Variants in LRRC4C observed in about 807,000 individuals in gnomAD.
LRRC4C encodes the protein leucine rich repeat containing 4C.
In LRRC4C, 5 loss-of-function variants were observed where a neutral mutation model predicts 33.6. That is an observed-to-expected ratio of 0.15 (90% CI 0.08 to 0.31). The LOEUF (loss-of-function observed/expected upper bound fraction) is 0.31. Among genes scored for constraint, LRRC4C ranks in the 10% least tolerant of loss-of-function variants. The probability of loss-of-function intolerance (pLI) is 1.00; values close to 1 mark genes in which losing one functional copy is unlikely to be tolerated. For missense variants in LRRC4C, 560 were observed against 796.7 expected (o/e 0.70, Z 3.58); for synonymous variants, 329 against 302.0 (o/e 1.09, Z -0.93).
intron 1 of LRRC4C, among the ~76,000 whole-genome samples, chr11:41,339,671 A>AT (rs1951568787): frequency 1.3e-5 from 2 of 152,190 alleles, no homozygotes; most frequent in Admixed American, 6.5e-5. Flanking sequence ...CATCCAATTT[A>AT]TTTTTTAAGC....
At chr11:40,988,608 G>C (rs769047981) in intron 1 of LRRC4C, among the ~76,000 whole-genome samples, 4 of 151,618 alleles carry the variant, frequency 2.6e-5, no homozygotes, top group Non-Finnish European at 5.9e-5. Context: ...ATTCTGCTTG[G>C]TTGAATCCCC....
At chr11:40,484,831 T>G (rs1953772815) in intron 3 of LRRC4C, among the ~76,000 whole-genome samples, 1 of 152,116 alleles carries the variant, frequency 6.6e-6, no homozygotes. Context: ...AACTTTACTC[T>G]GAAGACTTAC....
chr11:40,738,963 G>A (rs184727491), intron 2 of LRRC4C, among the ~76,000 whole-genome samples: 204 of 151,862 alleles, frequency 1.3e-3, no homozygotes, highest in African/African-American at 4.6e-3. Context: ...AATGATTAAC[G>A]TAATCAAACT....
intron 1 of LRRC4C, among the ~76,000 whole-genome samples, chr11:41,242,384 A>G (rs1314379482): frequency 6.6e-6 from 1 of 152,146 alleles, no homozygotes; most frequent in Non-Finnish European, 1.5e-5. Flanking sequence ...AGATAATCAC[A>G]CCCATTTGTG....
rs372831857 is a variant in LRRC4C at position 40,972,731 on chromosome 11, G to A, written c.-495-39008C>T. Among the ~76,000 whole-genome samples, 9 of 152,248 alleles carry A rather than the reference G, an allele frequency of 5.9e-5. 1 individual carries two copies. In the East Asian group the frequency reaches 1.2e-3, roughly 20 times the overall value. ...CTCATGAAAACTCACTCGCTATCAT[G>A]AGAACAACATGGGGGGACTGCCCTC... On this transcript the variant is annotated intron_variant, in intron 1 of 6. Transcript: ENST00000528697.
chr11:40,730,227 A>G (rs1947492891), intron 2 of LRRC4C, among the ~76,000 whole-genome samples: 1 of 152,156 alleles, frequency 6.6e-6, no homozygotes, highest in African/African-American at 2.4e-5. Context: ...CACTGTGCAC[A>G]TGTACCCTAA....
chr11:40,661,661 T>A (rs1274493984), intron 2 of LRRC4C, among the ~76,000 whole-genome samples: 1 of 152,194 alleles, frequency 6.6e-6, no homozygotes, highest in African/African-American at 2.4e-5. Flanking sequence ...TAAGATAACC[T>A]ATAGAAAGTA....
At chr11:40,970,319 T>C (rs1275721173) in intron 1 of LRRC4C, among the ~76,000 whole-genome samples, 3 of 152,116 alleles carry the variant, frequency 2.0e-5, no homozygotes, top group Admixed American at 2.0e-4. Context: ...GGTGCTGTCA[T>C]TGTGATAGTG....
chr11:40,260,646 G>A (rs1313417845), intron 4 of LRRC4C, among the ~76,000 whole-genome samples: 1 of 152,126 alleles, frequency 6.6e-6, no homozygotes, highest in South Asian at 2.1e-4. Context: ...CGTCCAAGGA[G>A]CTAAGAAAGG....
At chr11:41,050,410 C>T (rs1858117094) in intron 1 of LRRC4C, among the ~76,000 whole-genome samples, 1 of 152,134 alleles carries the variant, frequency 6.6e-6, no homozygotes, top group Non-Finnish European at 1.5e-5. Context: ...GTACCTCATG[C>T]ATTAAGTATT....
intron 5 of LRRC4C, among the ~76,000 whole-genome samples, chr11:40,163,593 T>A (rs1859343934): frequency 6.6e-6 from 1 of 152,204 alleles, no homozygotes; most frequent in South Asian, 2.1e-4. Flanking sequence ...TGCAATATAT[T>A]GTTATGTATG....
At chr11:41,418,072 G>C (rs1004537984) in intron 1 of LRRC4C, among the ~76,000 whole-genome samples, 1 of 151,682 alleles carries the variant, frequency 6.6e-6, no homozygotes, top group Admixed American at 6.6e-5. Context: ...TACTTGGCTA[G>C]CTCAAATATT....
intron 3 of LRRC4C, among the ~76,000 whole-genome samples, chr11:40,483,441 T>G (rs2138427179): frequency 6.6e-6 from 1 of 152,272 alleles, no homozygotes; most frequent in African/African-American, 2.4e-5. Flanking sequence ...AGAAACAAGA[T>G]AATGTGAGCC....
intron 1 of LRRC4C, among the ~76,000 whole-genome samples, chr11:40,987,681 T>TATATATATATATATATATG (rs1565274752): frequency 5.4e-5 from 4 of 74,648 alleles, no homozygotes; most frequent in Admixed American, 1.4e-4. Flanking sequence ...AAATGATATA[T>TATATATATATATATATATG]ATATATATAT....
chr11:41,265,064 ACTGT>A (rs917807180), intron 1 of LRRC4C, among the ~76,000 whole-genome samples: 1 of 152,166 alleles, frequency 6.6e-6, no homozygotes, highest in African/African-American at 2.4e-5. Context: ...TCATACCATG[ACTGT>A]CCTATTGCAG....
chr11:40,815,010 C>T (rs1236712207), intron 2 of LRRC4C, among the ~76,000 whole-genome samples: 1 of 152,102 alleles, frequency 6.6e-6, no homozygotes, highest in Non-Finnish European at 1.5e-5. Flanking sequence ...AAAGTCGCTT[C>T]CACATTTTTG....
intron 3 of LRRC4C, among the ~76,000 whole-genome samples, chr11:40,381,318 C>G (rs2137348168): frequency 6.6e-6 from 1 of 151,934 alleles, no homozygotes; most frequent in East Asian, 1.9e-4. Flanking sequence ...AAATACAACC[C>G]ATTATATTGG....
chr11:40,470,406 GA>G (rs1952871485), intron 3 of LRRC4C, among the ~76,000 whole-genome samples: 1 of 152,286 alleles, frequency 6.6e-6, no homozygotes, highest in African/African-American at 2.4e-5. Flanking sequence ...ACCAAAGGTA[GA>G]AAAATCCATG....
At chr11:40,873,385 A>T (rs1954743417) in intron 2 of LRRC4C, among the ~76,000 whole-genome samples, 1 of 152,146 alleles carries the variant, frequency 6.6e-6, no homozygotes, top group African/African-American at 2.4e-5. Context: ...CCACACCACC[A>T]GATGGAGCCT....
Sources: allele counts gnomAD v4.1 joint callset (sites outside exome capture counted in the v4.1 genomes callset), GRCh38; gene constraint gnomAD v4.1.1; transcripts MANE v1.5; gene names NCBI Gene and HGNC (gene_info 2026-07-23, HGNC 2026-07-21).